The following MBNL1 variants were observed in gnomAD, a reference collection of about 807,000 sequenced individuals.
MBNL1 encodes muscleblind like splicing regulator 1, also known as muscleblind-like protein 1.
In MBNL1, 8 loss-of-function variants were observed where a neutral mutation model predicts 42.2. That is an observed-to-expected ratio of 0.19 (90% CI 0.11 to 0.34). The LOEUF (loss-of-function observed/expected upper bound fraction) is 0.34. Ranked by LOEUF, MBNL1 falls within the 10% of genes least tolerant of loss-of-function variation. MBNL1 has a pLI of 1.00. For missense variants in MBNL1, 309 were observed against 495.3 expected (o/e 0.62, Z 3.57); for synonymous variants, 169 against 173.9 (o/e 0.97, Z 0.22).
chr3:152,371,731 G>A (rs1043066454), intron 2 of MBNL1, among the ~76,000 whole-genome samples: 6 of 152,072 alleles, frequency 3.9e-5, no homozygotes, highest in African/African-American at 1.2e-4. Flanking sequence ...TGCCCTTAAC[G>A]TTTTTTTCAT....
chr3:152,294,971 C>T (rs962987577), intron 1 of MBNL1, among the ~76,000 whole-genome samples: 1 of 152,080 alleles, frequency 6.6e-6, no homozygotes, highest in Non-Finnish European at 1.5e-5. Flanking sequence ...TGAAATTGAT[C>T]TATAGGATAT....
intron 3 of MBNL1, among the ~76,000 whole-genome samples, chr3:152,418,503 A>G (rs746002842): frequency 2.0e-5 from 3 of 151,670 alleles, no homozygotes; most frequent in Non-Finnish European, 4.4e-5. Context: ...CAAGACACCA[A>G]CTTAGGAAGC....
intron 2 of MBNL1, among the ~76,000 whole-genome samples, chr3:152,404,676 T>C (rs1324068442): frequency 6.6e-6 from 1 of 151,506 alleles, no homozygotes; most frequent in Non-Finnish European, 1.5e-5. Flanking sequence ...TTTTATGTGT[T>C]TGTATGTATG....
chr3:152,371,064 C>T (rs893215722), intron 2 of MBNL1, among the ~76,000 whole-genome samples: 3 of 151,988 alleles, frequency 2.0e-5, no homozygotes, highest in South Asian at 2.1e-4. Flanking sequence ...TTATTTTGCC[C>T]GTTAGTTGAT....
At chr3:152,341,538 C>G (rs1269021930) in intron 2 of MBNL1, among the ~76,000 whole-genome samples, 1 of 152,184 alleles carries the variant, frequency 6.6e-6, no homozygotes, top group Non-Finnish European at 1.5e-5. Context: ...TCTGCCATCA[C>G]TCTGTTCATA....
intron 4 of MBNL1, among the ~76,000 whole-genome samples, chr3:152,433,221 G>A (rs1465725290): frequency 6.6e-6 from 1 of 152,156 alleles, no homozygotes; most frequent in African/African-American, 2.4e-5. Flanking sequence ...TTACCTCAAA[G>A]AGTTAGGGGA....
chr3:152,262,670 G>C (rs1320709062), intron 2 of MBNL1: 1 of 152,102 alleles, frequency 6.6e-6, no homozygotes, highest in Non-Finnish European at 1.5e-5. Flanking sequence ...AGAAATGTTT[G>C]GGTTACAGTA....
chr3:152,443,431 C>G (rs1214824176), intron 4 of MBNL1, among the ~76,000 whole-genome samples: 1 of 149,594 alleles, frequency 6.7e-6, no homozygotes, highest in Non-Finnish European at 1.5e-5. Flanking sequence ...TTGACATAGA[C>G]TTGCTTAAAC....
chr3:152,313,692 T>G (rs181147038), intron 2 of MBNL1, among the ~76,000 whole-genome samples: 1 of 152,366 alleles, frequency 6.6e-6, no homozygotes, highest in Non-Finnish European at 1.5e-5. Context: ...TTTGTCATTA[T>G]GCACATTGCA....
intron 2 of MBNL1, among the ~76,000 whole-genome samples, chr3:152,405,871 A>G (rs2098415281): frequency 6.6e-6 from 1 of 152,184 alleles, no homozygotes; most frequent in Non-Finnish European, 1.5e-5. Flanking sequence ...AAGATTGAAA[A>G]GTGTCTGATT....
At chr3:152,352,346 C>G (rs1347234450) in intron 2 of MBNL1, among the ~76,000 whole-genome samples, 1 of 152,126 alleles carries the variant, frequency 6.6e-6, no homozygotes, top group African/African-American at 2.4e-5. Flanking sequence ...GCACAGACAT[C>G]TTGTTTTCTT....
chr3:152,410,232 T>C (rs1486449274), intron 2 of MBNL1, among the ~76,000 whole-genome samples: 1 of 152,166 alleles, frequency 6.6e-6, no homozygotes, highest in East Asian at 1.9e-4. Flanking sequence ...TCTAAATGTA[T>C]ATTTTCCCTT....
chr3:152,268,618 C>A, upstream of MBNL1: 1 of 397,970 alleles, frequency 2.5e-6, no homozygotes, highest in South Asian at 1.8e-5. Context: ...TGGAAGATAC[C>A]AACGGGAGGC....
chr3:152,461,073 G>A (rs1025908140), intron 9 of MBNL1, among the ~76,000 whole-genome samples: 1 of 152,126 alleles, frequency 6.6e-6, no homozygotes, highest in Non-Finnish European at 1.5e-5. Flanking sequence ...AGGTGTAAAG[G>A]CCTTGTAAAA....
At chr3:152,452,879 A>C (rs566157810) in intron 6 of MBNL1, among the ~76,000 whole-genome samples, 2 of 152,162 alleles carry the variant, frequency 1.3e-5, no homozygotes, top group South Asian at 2.1e-4. Flanking sequence ...TTGTATTACA[A>C]CTCTACCAAG....
chr3:152,324,400 T>C (rs1297963241), intron 2 of MBNL1, among the ~76,000 whole-genome samples: 2 of 152,172 alleles, frequency 1.3e-5, no homozygotes, highest in East Asian at 3.8e-4. Flanking sequence ...TCTGTTAAAG[T>C]CACTCTGCCT....
chr3:152,406,858 C>T (rs1387449990), intron 2 of MBNL1, among the ~76,000 whole-genome samples: 1 of 152,096 alleles, frequency 6.6e-6, no homozygotes, highest in African/African-American at 2.4e-5. Flanking sequence ...AAAAGTCTAA[C>T]CTAAAATCCC....
At position 152,300,312 on chromosome 3, in the gene MBNL1, C is replaced by T. The variant is rs753410588; in HGVS notation, c.119C>T (p.Ser40Leu). 55 of 1,613,856 alleles carry T rather than the reference C, an allele frequency of 3.4e-5. No homozygotes were observed. Among genetic ancestry groups the T allele is most frequent in the Non-Finnish European group, 4.4e-5 (52 of 1,179,924 alleles). Residue 40 changes from serine to leucine, a missense_variant, in exon 2 of 10, where the codon TCG becomes TTG. By Grantham distance (145) the Ser-to-Leu change is moderately radical (BLOSUM62 -2). Transcript: ENST00000324210. ...ACGGAATGTAAATTTGCACATCCTT[C>T]GAAAAGCTGCCAAGTTGAAAATGGA... ...PDTECKFAHP[S>L]KSCQVENGRV... is the part of the protein sequence containing the mutation.
At chr3:152,292,909 C>T (rs1424875896) in intron 1 of MBNL1, among the ~76,000 whole-genome samples, 1 of 151,892 alleles carries the variant, frequency 6.6e-6, no homozygotes. Flanking sequence ...ATTGGGACTA[C>T]AGGCATTTGT....
Sources: gnomAD v4.1 joint callset for allele counts (sites outside exome capture counted in the v4.1 genomes callset) on GRCh38, gnomAD v4.1.1 for gene constraint, MANE v1.5 for transcripts, NCBI Gene and HGNC (gene_info 2026-07-23, HGNC 2026-07-21) for gene names.